The following EYS variants were observed in gnomAD, a reference collection of about 807,000 sequenced individuals.
EYS encodes EGF-like photoreceptor maintenance factor.
A neutral mutation model predicts 282.1 loss-of-function variants in EYS; 250 were observed. The observed-to-expected ratio is 0.89, with a 90% CI of 0.80 to 0.98. The LOEUF is 0.98. EYS is among the 50% of genes least tolerant of loss of function. EYS has a pLI of 0.00. For missense variants in EYS, 4,016 were observed against 3,709.0 expected, an observed-to-expected ratio of 1.08 and a Z score of -2.15; for synonymous variants, 1,355 against 1,282.9, an observed-to-expected ratio of 1.06 and a Z score of -1.20.
chr6:64,058,653 C>T (rs1271566201), intron 33 of EYS, among the ~76,000 whole-genome samples: 2 of 152,120 alleles, frequency 1.3e-5, no homozygotes, highest in Non-Finnish European at 2.9e-5. Flanking sequence ...TGTTCTCTGA[C>T]CCCCATCAAT....
intron 29 of EYS, among the ~76,000 whole-genome samples, chr6:64,360,079 A>C (rs185947760): frequency 6.6e-5 from 10 of 151,840 alleles, no homozygotes; most frequent in Admixed American, 5.9e-4. Flanking sequence ...ATCACTTTAA[A>C]AAGAAAAACT....
At chr6:64,908,786 C>A (rs1215858239) in intron 16 of EYS, among the ~76,000 whole-genome samples, 1 of 151,682 alleles carries the variant, frequency 6.6e-6, no homozygotes, top group Non-Finnish European at 1.5e-5. Context: ...TGTGAGTGTG[C>A]AAAAGTTAAA....
chr6:64,617,057 T>A (rs1269144389), intron 24 of EYS, among the ~76,000 whole-genome samples: 2 of 152,152 alleles, frequency 1.3e-5, no homozygotes, highest in South Asian at 4.1e-4. Flanking sequence ...AGTAGTACTA[T>A]GTCCTTGGGC....
At chr6:63,761,538 A>T (rs1305807775) in intron 41 of EYS, among the ~76,000 whole-genome samples, 1 of 152,092 alleles carries the variant, frequency 6.6e-6, no homozygotes, top group Non-Finnish European at 1.5e-5. Context: ...TGATAAAGTG[A>T]TCTAGAAATA....
intron 30 of EYS, among the ~76,000 whole-genome samples, chr6:64,233,037 C>T (rs1313068019): frequency 1.3e-5 from 2 of 152,020 alleles, no homozygotes; most frequent in African/African-American, 4.8e-5. Flanking sequence ...TAACATTTGC[C>T]ATGGACTTCA....
Position 64,767,634 on chromosome 6 carries a change from A to T in EYS, c.3443+45744T>A, listed in dbSNP as rs145052960. ...AAAATTTCATTCTTTTGTATGGCTA[A>T]ATAGTATTTAATTGTTTATATATAC... On this transcript the variant is annotated intron_variant, in intron 22 of 42. Coordinates refer to ENST00000503581, the MANE Select transcript of EYS (RefSeq NM_001142800.2). Among the ~76,000 whole-genome samples the T allele has an allele frequency of 6.3e-3, 961 of 152,252 alleles. 6 individuals carry two copies. Among genetic ancestry groups the T allele is most frequent in the Non-Finnish European group, 9.4e-3 (638 of 68,010 alleles).
intron 28 of EYS, among the ~76,000 whole-genome samples, chr6:64,405,679 C>T (rs1469412842): frequency 6.6e-6 from 1 of 151,984 alleles, no homozygotes. Flanking sequence ...TCCTATACAC[C>T]AATAACAGAC....
At chr6:65,473,674 C>A (rs1035718797) in intron 5 of EYS, among the ~76,000 whole-genome samples, 6 of 151,872 alleles carry the variant, frequency 4.0e-5, no homozygotes, top group African/African-American at 1.4e-4. Context: ...TTTTACTCAA[C>A]TACTGCACAT....
At chr6:64,130,144 G>T (rs1164593937) in intron 31 of EYS, among the ~76,000 whole-genome samples, 2 of 152,112 alleles carry the variant, frequency 1.3e-5, no homozygotes, top group South Asian at 2.1e-4. Flanking sequence ...ATACCCAAAG[G>T]ATTATAAATC....
chr6:65,513,781 G>A (rs1766998388), intron 2 of EYS, among the ~76,000 whole-genome samples: 1 of 151,822 alleles, frequency 6.6e-6, no homozygotes, highest in African/African-American at 2.4e-5. Flanking sequence ...GGTATTGATG[G>A]GATGTATCTC....
chr6:64,991,365 T>C (rs1169510935), intron 14 of EYS, among the ~76,000 whole-genome samples: 2 of 151,524 alleles, frequency 1.3e-5, no homozygotes, highest in Non-Finnish European at 3.0e-5. Flanking sequence ...TAACAATAGG[T>C]TTTGAAGTTA....
intron 26 of EYS, among the ~76,000 whole-genome samples, chr6:64,449,784 T>C (rs1280448398): frequency 2.0e-5 from 3 of 152,034 alleles, no homozygotes; most frequent in Non-Finnish European, 2.9e-5. Flanking sequence ...AGAAATAAAA[T>C]ACTTTACAGA....
At chr6:65,370,492 C>T (rs915595252) in intron 8 of EYS, among the ~76,000 whole-genome samples, 2 of 151,196 alleles carry the variant, frequency 1.3e-5, no homozygotes, top group African/African-American at 4.8e-5. Context: ...TGGCCTCAAG[C>T]CATCCTTCTA....
chr6:64,905,444 C>T (rs1159725435), intron 16 of EYS, among the ~76,000 whole-genome samples: 2 of 152,174 alleles, frequency 1.3e-5, no homozygotes, highest in African/African-American at 2.4e-5. Context: ...CAGGGAGGAT[C>T]TTTACATGCA....
At chr6:65,375,074 G>C (rs1765309059) in intron 8 of EYS, among the ~76,000 whole-genome samples, 1 of 152,152 alleles carries the variant, frequency 6.6e-6, no homozygotes, top group South Asian at 2.1e-4. Context: ...CCTGACCCCT[G>C]TGCCTCCTGA....
intron 12 of EYS, among the ~76,000 whole-genome samples, chr6:65,096,177 T>A (rs2150180844): frequency 6.6e-6 from 1 of 151,014 alleles, no homozygotes; most frequent in Admixed American, 6.6e-5. Context: ...AAATTACATA[T>A]ATACTTAAAA....
At chr6:63,932,624 A>G (rs533714623) in intron 35 of EYS, among the ~76,000 whole-genome samples, 119 of 152,312 alleles carry the variant, frequency 7.8e-4, no homozygotes, top group African/African-American at 2.6e-3. Flanking sequence ...GATTCTAGTA[A>G]AAATTCTCCT....
chr6:64,756,899 T>C (rs1772955235), intron 22 of EYS, among the ~76,000 whole-genome samples: 1 of 151,902 alleles, frequency 6.6e-6, no homozygotes, highest in Non-Finnish European at 1.5e-5. Context: ...TTTTTTTTTT[T>C]TAACAGATGT....
intron 12 of EYS, among the ~76,000 whole-genome samples, chr6:65,191,412 C>G (rs1244999580): frequency 6.6e-6 from 1 of 151,810 alleles, no homozygotes; most frequent in Non-Finnish European, 1.5e-5. Context: ...GTAACAGCCA[C>G]TCCTACAACA....
Sources: gnomAD v4.1 joint callset for allele counts (sites outside exome capture counted in the v4.1 genomes callset) on GRCh38, gnomAD v4.1.1 for gene constraint, MANE v1.5 for transcripts, NCBI Gene and HGNC (gene_info 2026-07-23, HGNC 2026-07-21) for gene names.